Variants in EML4 observed in about 807,000 individuals in gnomAD.
The protein encoded by EML4 is echinoderm microtubule-associated protein-like 4.
A neutral mutation model predicts 129.0 loss-of-function variants in EML4; 72 were observed. That is an observed-to-expected ratio of 0.56 (90% CI 0.46 to 0.68). EML4 has a LOEUF of 0.68. Among genes scored for constraint, EML4 ranks in the 30% least tolerant of loss-of-function variants. The pLI is 0.00. For missense variants in EML4, 1,363 were observed against 1,190.6 expected (o/e 1.14, Z -2.13); for synonymous variants, 532 against 405.0 (o/e 1.31, Z -3.77).
chr2:42,311,513 C>G (rs1572738668), intron 17 of EML4, among the ~76,000 whole-genome samples: 1 of 152,086 alleles, frequency 6.6e-6, no homozygotes, highest in East Asian at 1.9e-4. Context: ...TGCACTCCAG[C>G]CTGGGCAACA....
intron 11 of EML4, among the ~76,000 whole-genome samples, chr2:42,291,588 TAGAGTC>T (rs1215178255): frequency 1.3e-5 from 2 of 151,950 alleles, no homozygotes; most frequent in African/African-American, 4.8e-5. Flanking sequence ...ATTTTTTTAA[TAGAGTC>T]AGAGTTTCAC....
chr2:42,251,990 G>GA (rs1361413302), intron 2 of EML4, among the ~76,000 whole-genome samples: 2 of 152,152 alleles, frequency 1.3e-5, no homozygotes, highest in Non-Finnish European at 2.9e-5. Flanking sequence ...TCAATAAATT[G>GA]TTTGTAAATT....
intron 2 of EML4, among the ~76,000 whole-genome samples, chr2:42,250,844 A>C (rs1468260281): frequency 1.3e-5 from 2 of 152,216 alleles, no homozygotes; most frequent in African/African-American, 4.8e-5. Context: ...ACCATAATGT[A>C]GAATCGTTGG....
intron 17 of EML4, among the ~76,000 whole-genome samples, chr2:42,315,197 C>G (rs1235798362): frequency 1.3e-5 from 2 of 152,188 alleles, no homozygotes; most frequent in Non-Finnish European, 2.9e-5. Flanking sequence ...TCAGCTCAGC[C>G]CACATCTTAC....
chr2:42,224,128 C>T (rs1335199091), intron 1 of EML4, among the ~76,000 whole-genome samples: 3 of 151,984 alleles, frequency 2.0e-5, no homozygotes, highest in African/African-American at 4.8e-5. Flanking sequence ...TTAATATATT[C>T]ACAGAGTTGT....
chr2:42,259,842 G>T (rs189817031), intron 3 of EML4, among the ~76,000 whole-genome samples: 6 of 145,072 alleles, frequency 4.1e-5, no homozygotes, highest in Non-Finnish European at 7.4e-5. Flanking sequence ...CCATTCTCCT[G>T]CCTCAACCTC....
chr2:42,170,391 C>T (rs1340245243), intron 1 of EML4: 1 of 152,158 alleles, frequency 6.6e-6, no homozygotes, highest in Admixed American at 6.5e-5. Flanking sequence ...GTGATTCTGC[C>T]CAATGAATCA....
chr2:42,177,919 T>C (rs1003122288), intron 1 of EML4, among the ~76,000 whole-genome samples: 6 of 152,206 alleles, frequency 3.9e-5, no homozygotes, highest in African/African-American at 1.4e-4. Flanking sequence ...ATATTTGTCT[T>C]AGATTTCAGT....
At chr2:42,317,799 T>G (rs1353607860) in intron 19 of EML4, among the ~76,000 whole-genome samples, 2 of 152,194 alleles carry the variant, frequency 1.3e-5, no homozygotes, top group Admixed American at 1.3e-4. Flanking sequence ...ACCTTTAGAA[T>G]AACACTTTTT....
intron 6 of EML4, among the ~76,000 whole-genome samples, chr2:42,272,130 G>T (rs1019761971): frequency 2.9e-4 from 44 of 149,232 alleles, no homozygotes; most frequent in African/African-American, 1.1e-3. Flanking sequence ...ATTCTATACT[G>T]TATTTCTTAC....
In EML4 at chr2:42,215,797, T is replaced by G. The variant is rs1673149372; in HGVS notation, c.26-29708T>G. Among the ~76,000 whole-genome samples, 5 of 152,326 alleles carry G rather than the reference T, an allele frequency of 3.3e-5. No homozygotes were observed. In the South Asian group the frequency reaches 1.0e-3, roughly 32 times the overall value. On this transcript the variant is annotated intron_variant, in intron 1 of 22. Transcript: ENST00000318522. ...TACCTTCTCCCTTTGAGAACTTATTTCCTTAGAACTTTTAAATCTGCCTTA... is the reference window on the plus strand; with the variant it reads ...TACCTTCTCCCTTTGAGAACTTATTGCCTTAGAACTTTTAAATCTGCCTTA...
At chr2:42,300,302 C>CTA in intron 13 of EML4, among the ~76,000 whole-genome samples, 1 of 152,266 alleles carries the variant, frequency 6.6e-6, no homozygotes, top group East Asian at 1.9e-4. Context: ...GCCTATCTAG[C>CTA]TAAAGAGCTT....
chr2:42,281,770 G>C (rs1667025196), intron 7 of EML4, among the ~76,000 whole-genome samples: 1 of 152,132 alleles, frequency 6.6e-6, no homozygotes, highest in Admixed American at 6.5e-5. Context: ...TTAAAGGAGA[G>C]CTTTCCTAAT....
rs375707062 is a variant in EML4 at position 42,306,484 on chromosome 2, C to CTTTTTTTTTTTTTTTTTTTTTTTT, written c.1967+1936_1967+1959dup. 1.1e-3 allele frequency among the ~76,000 whole-genome samples: 79 copies of CTTTTTTTTTTTTTTTTTTTTTTTT among 74,602 alleles called. 11 individuals are homozygous for CTTTTTTTTTTTTTTTTTTTTTTTT. The highest frequency in any genetic ancestry group is 2.2e-3 in the East Asian group (4 of 1,790). 48.9% of individuals were successfully genotyped at this position (74,602 alleles called of 152,430 possible). On this transcript the variant is annotated intron_variant, in intron 17 of 22. Coordinates refer to ENST00000318522, the MANE Select transcript of EML4 (RefSeq NM_019063.5). ...GTGTCTGATGACCTTGTGCTAAATC[C>CTTTTTTTTTTTTTTTTTTTTTTTT]TTTTTTTTTTTTTTTTTTTTTTTTT...
intron 1 of EML4, among the ~76,000 whole-genome samples, chr2:42,170,531 G>C (rs1670207113): frequency 6.6e-6 from 1 of 152,224 alleles, no homozygotes. Flanking sequence ...CCTTTCACCA[G>C]ATGAAGGTAA....
chr2:42,275,297 A>G lies in EML4; in HGVS notation c.668-5553A>G, dbSNP rs1271582796. On this transcript the variant is annotated intron_variant, in intron 6 of 22. Transcript: ENST00000318522. Reference sequence around the variant, plus strand: ...TTCAAAATCTGGTTTGTATATTTCCAGTATATCTCAATTCAGACTAGCCAC... The same window carrying G: ...TTCAAAATCTGGTTTGTATATTTCCGGTATATCTCAATTCAGACTAGCCAC... Among the ~76,000 whole-genome samples, 3 of 152,186 alleles carry G rather than the reference A, an allele frequency of 2.0e-5. No individual in the cohort carries two copies. The East Asian group carries it at 5.8e-4, about 29-fold the overall frequency.
chr2:42,304,918 A>G (rs1432646238), intron 17 of EML4, among the ~76,000 whole-genome samples: 1 of 152,148 alleles, frequency 6.6e-6, no homozygotes, highest in Non-Finnish European at 1.5e-5. Context: ...CAGGAGTTCG[A>G]AACCAGCCTG....
At chr2:42,256,947 A>T (rs1342078482) in intron 3 of EML4, among the ~76,000 whole-genome samples, 2 of 152,202 alleles carry the variant, frequency 1.3e-5, no homozygotes, top group African/African-American at 4.8e-5. Flanking sequence ...ATATAACTGA[A>T]TTTTCCATAG....
intron 10 of EML4, among the ~76,000 whole-genome samples, chr2:42,288,001 T>C (rs937026502): frequency 1.3e-5 from 2 of 152,134 alleles, no homozygotes; most frequent in South Asian, 2.1e-4. Context: ...GGAAATAACC[T>C]GGAGGGATGA....
Sources: gnomAD v4.1 joint callset for allele counts (sites outside exome capture counted in the v4.1 genomes callset) on GRCh38, gnomAD v4.1.1 for gene constraint, MANE v1.5 for transcripts, NCBI Gene and HGNC (gene_info 2026-07-23, HGNC 2026-07-21) for gene names.